Variants in TTC34 observed in about 807,000 individuals in gnomAD.
TTC34 encodes tetratricopeptide repeat domain 34, also known as tetratricopeptide repeat protein 34.
In TTC34, 44 loss-of-function variants were observed where a neutral mutation model predicts 40.7. The observed-to-expected ratio is 1.08, with a 90% CI of 0.85 to 1.39. The LOEUF is 1.39. Ranked by LOEUF, TTC34 falls within the 40% of genes most tolerant of loss-of-function variation. TTC34 has a pLI of 0.00. For missense variants in TTC34, 884 were observed against 838.0 expected (o/e 1.05, Z -0.68); for synonymous variants, 422 against 398.6 (o/e 1.06, Z -0.70).
chr1:2,688,346 G>A (rs1569571576), intron 6 of TTC34, among the ~76,000 whole-genome samples: 1 of 147,704 alleles, frequency 6.8e-6, no homozygotes, highest in African/African-American at 2.5e-5. Flanking sequence ...GTGAGCATCG[G>A]ACAGCCTGGA....
At position 2,645,289 on chromosome 1, in the gene TTC34, A is replaced by C. The variant is rs1306626834; in HGVS notation, c.2497+4T>G. ...GTGTTTCCCACCTTGGGGCCGCCGC[A>C]TACCCTGTGCCATGAGAATGTCTGC... On this transcript the variant is annotated splice_donor_region_variant and intron_variant, in intron 7 of 8. Coordinates refer to ENST00000401095, the Ensembl canonical transcript of TTC34. This position sits in a 1 kb window ranked among gnomAD's most constrained non-coding sequence, Gnocchi z 4.7. The C allele has an allele frequency of 1.3e-5, 19 of 1,477,828 alleles. No individual in the cohort carries two copies. Among genetic ancestry groups the C allele is most frequent in the African/African-American group, 2.8e-5 (2 of 71,288 alleles). The allele number at this position is 1,477,828 out of a possible 1,614,324, so 91.5% of individuals were successfully genotyped here.
At chr1:2,752,413 C>T (rs1641351369) in intron 6 of TTC34, among the ~76,000 whole-genome samples, 1 of 147,246 alleles carries the variant, frequency 6.8e-6, no homozygotes, top group African/African-American at 2.6e-5. Flanking sequence ...ACCCACACAC[C>T]CAGGTGAGCA....
chr1:2,750,949 C>A (rs1237636817), intron 6 of TTC34, among the ~76,000 whole-genome samples: 1 of 109,840 alleles, frequency 9.1e-6, no homozygotes, highest in Admixed American at 9.6e-5. Flanking sequence ...ATCGGACAGC[C>A]TGGAGCAGCA....
chr1:2,686,714 C>T (rs1286008131), intron 6 of TTC34, among the ~76,000 whole-genome samples: 1 of 141,476 alleles, frequency 7.1e-6, no homozygotes, highest in Non-Finnish European at 1.5e-5. Context: ...CCTGGAACAG[C>T]ACACACACCC....
In TTC34 at chr1:2,750,981, G is replaced by A. The variant is rs1399194762; in HGVS notation, c.2226+32628C>T. 9.7e-4 allele frequency among the ~76,000 whole-genome samples: 25 copies of A among 25,698 alleles called. 4 individuals carry two copies. In the Middle Eastern group the frequency reaches 0.071, roughly 73 times the overall value. 16.9% of individuals were successfully genotyped at this position (25,698 alleles called of 152,430 possible). The stretch of plus-strand genomic sequence containing the variant: ...AGCACCCACACCCCCAGGTGCGCAT[G>A]TGATGGTCTGGAGCAGCACCCACAC... On this transcript the variant is annotated intron_variant, in intron 6 of 8. Transcript: ENST00000401095.
chr1:2,687,059 C>T (rs796843287), intron 6 of TTC34, among the ~76,000 whole-genome samples: 1,270 of 45,412 alleles, frequency 0.028, no homozygotes, highest in African/African-American at 0.055. Flanking sequence ...GGCGTGCATC[C>T]GACAGCCTGG....
chr1:2,648,493 C>T (rs915651231), intron 6 of TTC34, among the ~76,000 whole-genome samples: 2 of 152,170 alleles, frequency 1.3e-5, no homozygotes, highest in Non-Finnish European at 2.9e-5. Flanking sequence ...CAGGTCACAG[C>T]TCTTTGCTGC....
intron 6 of TTC34, among the ~76,000 whole-genome samples, chr1:2,683,286 T>C (rs61763523): frequency 8.8e-5 from 6 of 67,964 alleles, no homozygotes; most frequent in African/African-American, 2.6e-4. Flanking sequence ...GGTGAGCATC[T>C]GACAGCCTGG....
chr1:2,692,758 ATC>A (rs1640685493), intron 6 of TTC34, among the ~76,000 whole-genome samples: 1 of 121,830 alleles, frequency 8.2e-6, no homozygotes, highest in Non-Finnish European at 1.7e-5. Context: ...CCAGGTGAGC[ATC>A]CCACAGCCTG....
chr1:2,686,560 A>ACACC, intron 6 of TTC34, among the ~76,000 whole-genome samples: 1 of 142,438 alleles, frequency 7.0e-6, no homozygotes, highest in Admixed American at 6.9e-5. Flanking sequence ...CAGCACGCAC[A>ACACC]CACCCAGGTG....
intron 6 of TTC34, among the ~76,000 whole-genome samples, chr1:2,701,959 G>C (rs1462515455): frequency 1.2e-5 from 1 of 85,978 alleles, no homozygotes; most frequent in Non-Finnish European, 3.0e-5. Context: ...GTGGGCATTT[G>C]ACAGCCTGGG....
intron 6 of TTC34, among the ~76,000 whole-genome samples, chr1:2,694,773 C>T (rs1414968509): frequency 1.2e-5 from 1 of 86,536 alleles, no homozygotes; most frequent in African/African-American, 3.7e-5. Flanking sequence ...CATCCGACAG[C>T]CTGGAGCAGC....
At chr1:2,782,389 T>A (rs531491567) in intron 6 of TTC34, among the ~76,000 whole-genome samples, 1 of 152,346 alleles carries the variant, frequency 6.6e-6, no homozygotes, top group African/African-American at 2.4e-5. Context: ...TTTCTCTTTC[T>A]TAGTCCACCT....
intron 2 of TTC34, among the ~76,000 whole-genome samples, chr1:2,792,033 T>TTTTAA (rs1553171534): frequency 3.7e-5 from 4 of 107,104 alleles, no homozygotes; most frequent in Non-Finnish European, 7.2e-5. Flanking sequence ...TTTTTTTTTT[T>TTTTAA]AAAGACAGGG....
chr1:2,799,952 T>C (rs963492599), intron 2 of TTC34, 92 bp downstream of exon 2: 14 of 398,056 alleles, frequency 3.5e-5, no homozygotes, highest in Non-Finnish European at 6.2e-5. Flanking sequence ...CAGCACAGCC[T>C]CACCCCATCA....
chr1:2,682,086 A>G (rs1640106386), intron 6 of TTC34, among the ~76,000 whole-genome samples: 1 of 132,132 alleles, frequency 7.6e-6, no homozygotes, highest in African/African-American at 3.0e-5. Flanking sequence ...AGCATCTGAC[A>G]GCCTGGAGCA....
intron 6 of TTC34, among the ~76,000 whole-genome samples, chr1:2,652,273 A>G (rs911716612): frequency 0.074 from 471 of 6,402 alleles, 1 homozygote; most frequent in Non-Finnish European, 0.09. Context: ...ACAGCCTGGA[A>G]CAGCACCCAC....
intron 4 of TTC34, among the ~76,000 whole-genome samples, chr1:2,786,773 G>C (rs531367879): frequency 2.4e-4 from 37 of 152,278 alleles, no homozygotes; most frequent in Admixed American, 1.4e-3. Context: ...TCCCCTCTCC[G>C]CGACTCCATC....
At position 2,699,364 on chromosome 1, in the gene TTC34, C is replaced by A. The variant is rs1169136743; in HGVS notation, c.2227-53801G>T. Among the ~76,000 whole-genome samples, 3 of 110,896 alleles carry A rather than the reference C, an allele frequency of 2.7e-5. No homozygotes were observed. In the East Asian group the frequency reaches 8.7e-4, roughly 32 times the overall value. 72.8% of individuals were successfully genotyped at this position (110,896 alleles called of 152,430 possible). On this transcript the variant is annotated intron_variant, in intron 6 of 8. Transcript: ENST00000401095. ...GAGCATCTGACAGCCTGGAACAGCACCGCACACCCGCAGGTGAGCATCTGA... is the reference window on the plus strand; with the variant it reads ...GAGCATCTGACAGCCTGGAACAGCAACGCACACCCGCAGGTGAGCATCTGA...
Sources: gnomAD v4.1 joint callset for allele counts (sites outside exome capture counted in the v4.1 genomes callset) on GRCh38, gnomAD v4.1.1 for gene constraint, Gnocchi (gnomAD v3.1) non-coding constraint, MANE v1.5 for transcripts, NCBI Gene and HGNC (gene_info 2026-07-23, HGNC 2026-07-21) for gene names.